LMF1: variants seen among roughly 807,000 people sequenced by gnomAD.
LMF1 encodes the protein transmembrane protein 112.
LMF1 carries 68 observed loss-of-function variants against 60.6 expected under a neutral mutation model. That is an observed-to-expected ratio of 1.12 (90% CI 0.92 to 1.37). The LOEUF (loss-of-function observed/expected upper bound fraction) is 1.37. Among genes scored for constraint, LMF1 ranks in the 40% most tolerant of loss-of-function variants. LMF1 has a pLI of 0.00. For missense variants in LMF1, 948 were observed against 767.2 expected (o/e 1.24, Z -2.78); for synonymous variants, 418 against 324.7 (o/e 1.29, Z -3.09).
intron 1 of LMF1, among the ~76,000 whole-genome samples, chr16:967,766 G>A (rs762200885): frequency 6.6e-6 from 1 of 152,216 alleles, no homozygotes; most frequent in Non-Finnish European, 1.5e-5. Flanking sequence ...GCACAGTGGC[G>A]TGAATGAAGG....
At chr16:867,027 C>CCAT (rs1403629482) in intron 10 of LMF1, among the ~76,000 whole-genome samples, 1 of 152,172 alleles carries the variant, frequency 6.6e-6, no homozygotes, top group East Asian at 1.9e-4. Flanking sequence ...AGTGTCTGTT[C>CCAT]CATCTTCCAG....
At chr16:950,414 C>G (rs1202538015) in intron 2 of LMF1, among the ~76,000 whole-genome samples, 2 of 135,150 alleles carry the variant, frequency 1.5e-5, no homozygotes, top group Non-Finnish European at 3.1e-5. Flanking sequence ...ACGACAGAGT[C>G]AGAGACAACG....
intron 3 of LMF1, among the ~76,000 whole-genome samples, chr16:924,908 T>C (rs896181199): frequency 2.0e-5 from 3 of 152,186 alleles, no homozygotes; most frequent in African/African-American, 7.2e-5. Flanking sequence ...GAAACAAGTA[T>C]TGAGGCCCAG....
chr16:957,159 AT>A (rs1163054606), intron 1 of LMF1, among the ~76,000 whole-genome samples: 3 of 152,198 alleles, frequency 2.0e-5, no homozygotes, highest in Non-Finnish European at 4.4e-5. Flanking sequence ...AAGGAAAAAA[AT>A]CAATTTACAA....
At chr16:859,303 T>A (rs62639557) in intron 10 of LMF1, among the ~76,000 whole-genome samples, 22 of 17,798 alleles carry the variant, frequency 1.2e-3, no homozygotes, top group South Asian at 5.4e-3. Flanking sequence ...GAGTGGTGTC[T>A]CGGGACGGGT....
At chr16:912,470 G>A (rs1409909436) in intron 3 of LMF1, among the ~76,000 whole-genome samples, 2 of 152,242 alleles carry the variant, frequency 1.3e-5, no homozygotes, top group Admixed American at 6.5e-5. Flanking sequence ...GTAACCCAAA[G>A]TACAAAATAA....
intron 4 of LMF1, chr16:902,616 T>TA (rs2070846645): frequency 5.9e-6 from 1 of 170,686 alleles, no homozygotes; most frequent in African/African-American, 2.6e-5. Flanking sequence ...CTCTGCTGCG[T>TA]GGTGGTGACC....
chr16:854,449 C>A lies in LMF1; in HGVS notation c.*83G>T. 2 of 1,388,048 alleles carry A rather than the reference C, an allele frequency of 1.4e-6. No homozygotes were observed. The highest frequency in any genetic ancestry group is 2.0e-6 in the Non-Finnish European group (2 of 1,013,386). The allele number at this position is 1,388,048 out of a possible 1,614,324, so 86.0% of individuals were successfully genotyped here. On this transcript the variant is annotated 3_prime_UTR_variant, in exon 11 of 11. Coordinates refer to ENST00000262301, the MANE Select transcript of LMF1 (RefSeq NM_022773.4). Reference sequence around the variant, plus strand: ...CTCTCCACGTCTCTCTTGGCGATGCCCAGCTTGGGCTGGGCGCAGGGAAGG... The same window carrying A: ...CTCTCCACGTCTCTCTTGGCGATGCACAGCTTGGGCTGGGCGCAGGGAAGG...
intron 3 of LMF1, among the ~76,000 whole-genome samples, chr16:927,328 G>A (rs188048379): frequency 1.1e-3 from 165 of 152,286 alleles, no homozygotes; most frequent in African/African-American, 3.7e-3. Context: ...AGTCATTCAC[G>A]CCCCAGGTGA....
chr16:876,621 T>C (rs945240587), intron 6 of LMF1, among the ~76,000 whole-genome samples: 1 of 151,906 alleles, frequency 6.6e-6, no homozygotes, highest in African/African-American at 2.4e-5. Flanking sequence ...AATAAGTCAA[T>C]TAATAAAACG....
At chr16:877,462 AGAG>A (rs143574626) in intron 6 of LMF1, among the ~76,000 whole-genome samples, 5,464 of 152,272 alleles carry the variant, frequency 0.036, 304 homozygotes, top group Admixed American at 0.16. Context: ...AGACTCCCGC[AGAG>A]GAAGAGGCTC....
chr16:880,090 G>A (rs2070119265), intron 5 of LMF1, among the ~76,000 whole-genome samples: 1 of 152,220 alleles, frequency 6.6e-6, no homozygotes, highest in Non-Finnish European at 1.5e-5. Context: ...GCCGCCTGCT[G>A]CCCACAGGCG....
intron 3 of LMF1, among the ~76,000 whole-genome samples, chr16:930,100 C>T (rs1446764045): frequency 9.8e-6 from 1 of 102,040 alleles, no homozygotes; most frequent in South Asian, 3.4e-4. Context: ...GGGCGCAGGA[C>T]CCTGGGACAC....
chr16:935,075 A>G (rs2071901820), intron 2 of LMF1, among the ~76,000 whole-genome samples: 1 of 151,898 alleles, frequency 6.6e-6, no homozygotes, highest in Non-Finnish European at 1.5e-5. Flanking sequence ...CAGGAGGTAG[A>G]TTGCCAGGTT....
At chr16:964,607 G>T (rs755715541) in intron 1 of LMF1, among the ~76,000 whole-genome samples, 10 of 152,206 alleles carry the variant, frequency 6.6e-5, no homozygotes, top group Non-Finnish European at 1.2e-4. Flanking sequence ...AAAAGAAAAA[G>T]AACTCATTTC....
rs1189345013 is a variant in LMF1, at chr16:936,215, G to A, written c.504-1961C>T. On this transcript the variant is annotated intron_variant, in intron 2 of 10. Coordinates refer to ENST00000262301, the MANE Select transcript of LMF1 (RefSeq NM_022773.4). ...GAGGAAGGAGGCTGGGAGAGAGGGG[G>A]TACCCCGTGGGCTGAGGAAGGAGGC... Among the ~76,000 whole-genome samples the A allele has an allele frequency of 2.2e-5, 3 of 137,494 alleles. No homozygotes were observed. The East Asian group carries it at 6.7e-4, about 30-fold the overall frequency. The allele number at this position is 137,494 out of a possible 152,430, so 90.2% of individuals were successfully genotyped here. A position where few individuals can be genotyped will look rare whatever the true frequency, so the allele number is the denominator to read the frequency against.
At chr16:920,877 C>A (rs559773826) in intron 3 of LMF1, among the ~76,000 whole-genome samples, 2 of 152,308 alleles carry the variant, frequency 1.3e-5, no homozygotes, top group Admixed American at 1.3e-4. Flanking sequence ...GGATCCTTCC[C>A]CAGGGGCCCC....
At chr16:914,139 C>T (rs974905589) in intron 3 of LMF1, among the ~76,000 whole-genome samples, 1 of 151,984 alleles carries the variant, frequency 6.6e-6, no homozygotes, top group Non-Finnish European at 1.5e-5. Flanking sequence ...CAGGGACATC[C>T]CCACCACTGC....
chr16:966,186 G>A (rs1333214275), intron 1 of LMF1, among the ~76,000 whole-genome samples: 2 of 152,176 alleles, frequency 1.3e-5, no homozygotes, highest in East Asian at 1.9e-4. Flanking sequence ...GATGCCTCAC[G>A]TGGCGGGGAC....
Sources: gnomAD v4.1 joint callset for allele counts (sites outside exome capture counted in the v4.1 genomes callset) on GRCh38, gnomAD v4.1.1 for gene constraint, MANE v1.5 for transcripts, NCBI Gene and HGNC (gene_info 2026-07-23, HGNC 2026-07-21) for gene names.